DELE1: variants seen among roughly 807,000 people sequenced by gnomAD.
DELE1 encodes the protein death ligand signal enhancer.
Under a neutral mutation model 59.3 loss-of-function variants are expected in DELE1, and 54 were observed. The observed-to-expected ratio is 0.91, with a 90% CI of 0.73 to 1.14. DELE1 has a LOEUF of 1.14. Ranked by LOEUF, DELE1 falls within the 50% of genes most tolerant of loss-of-function variation. The pLI is 0.00. For synonymous variants in DELE1, 264 were observed against 259.1 expected (o/e 1.02, Z -0.18); for missense variants, 636 against 643.9 (o/e 0.99, Z 0.13).
chr5:141,932,280 G>A (rs1751973089), intron 7 of DELE1, among the ~76,000 whole-genome samples: 1 of 152,110 alleles, frequency 6.6e-6, no homozygotes, highest in African/African-American at 2.4e-5. Flanking sequence ...TTTTGTTTGG[G>A]CAATGAAAAG....
Position 141,927,658 on chromosome 5 carries a change from G to C in DELE1, c.265-493G>C, listed in dbSNP as rs548989080. ...GTGTGTGTGCTGGGGTGGCTTCACT[G>C]GGGGAATGGGAGTTGGTGGAAGGAG... On this transcript the variant is annotated intron_variant, in intron 3 of 11. Transcript: ENST00000432126. Among the ~76,000 whole-genome samples, 72 of 152,308 alleles carry C rather than the reference G, an allele frequency of 4.7e-4. 1 individual carries two copies. The highest frequency in any genetic ancestry group is 3.4e-3 in the Middle Eastern group (1 of 294).
rs370509545 is a variant in DELE1 at position 141,925,397 on chromosome 5, T to C, written c.147-13T>C. 6 of 1,542,634 alleles carry C rather than the reference T, an allele frequency of 3.9e-6. No homozygotes were observed. In the African/African-American group the frequency reaches 7.0e-5, roughly 18 times the overall value. On this transcript the variant is annotated splice_polypyrimidine_tract_variant and intron_variant, in intron 2 of 11. Transcript: ENST00000432126. ...TTTGCCCCTACTTGATAGCCTCTTA[T>C]TTCATCATCTAGGTCAGGTCCCCAT...
intron 4 of DELE1, 61 bp downstream of exon 4, chr5:141,928,359 G>T: frequency 6.5e-7 from 1 of 1,547,618 alleles, no homozygotes; most frequent in East Asian, 2.3e-5. Context: ...GCCAGGAAGC[G>T]TCTCTGGACA....
chr5:141,938,918 C>CT lies in DELE1; in HGVS notation c.*162dup, dbSNP rs1752578027. The CT allele has an allele frequency of 7.0e-7, 1 of 1,438,216 alleles. No individual in the cohort carries two copies. Among genetic ancestry groups the CT allele is most frequent in the South Asian group, 1.5e-5 (1 of 68,462 alleles). The allele number at this position is 1,438,216 out of a possible 1,614,324, so 89.1% of individuals were successfully genotyped here. A position where few individuals can be genotyped will look rare whatever the true frequency, so the allele number is the denominator to read the frequency against. Reference sequence around the variant, plus strand: ...CGTACATGGCTGGTAAGTGACTGATCTTTCCCCCCGCTTGGTAGCCTCACA... The same window carrying CT: ...CGTACATGGCTGGTAAGTGACTGATCTTTTCCCCCCGCTTGGTAGCCTCACA... On this transcript the variant is annotated 3_prime_UTR_variant, in exon 12 of 12. Transcript: ENST00000432126.
rs201179266 is a variant in DELE1, at chr5:141,924,010, G to A, written c.31+38G>A. On this transcript the variant is annotated intron_variant, in intron 1 of 11. Coordinates refer to ENST00000432126, the MANE Select transcript of DELE1 (RefSeq NM_014773.5). ...CAAGCAACCAGCGTCACTCTGGGCC[G>A]CAAAGACCGAACTGGAGTGGGGGCG... 8.1e-6 allele frequency: 13 copies of A among 1,598,600 alleles called. No individual in the cohort carries two copies. In the East Asian group the frequency reaches 1.6e-4, roughly 20 times the overall value.
At chr5:141,929,944 A>G in intron 5 of DELE1, 45 bp from the exon 6 acceptor site, 1 of 1,580,166 alleles carries the variant, frequency 6.3e-7, no homozygotes, top group Non-Finnish European at 8.7e-7. Flanking sequence ...AAAGAAGTAC[A>G]ACTTTCTCCT....
intron 10 of DELE1, 138 bp downstream of exon 10, chr5:141,934,724 CTGACTTACTGTG>C: frequency 1.3e-6 from 1 of 796,226 alleles, no homozygotes; most frequent in Non-Finnish European, 2.0e-6. Flanking sequence ...TTAGCGCTCA[CTGACTTACTGTG>C]TGACCGTTGG....
At chr5:141,934,468 T>C (rs764847567) in intron 9 of DELE1, 26 bp from the exon 10 acceptor site, 2 of 1,614,212 alleles carry the variant, frequency 1.2e-6, no homozygotes, top group Middle Eastern at 1.6e-4. Flanking sequence ...CCAAGATGCC[T>C]TCTTTTCCTT....
intron 7 of DELE1, among the ~76,000 whole-genome samples, chr5:141,931,706 A>C (rs971833484): frequency 6.6e-6 from 1 of 152,142 alleles, no homozygotes; most frequent in African/African-American, 2.4e-5. Context: ...TCTTCTACCC[A>C]AGGGCAGAGG....
Position 141,923,905 on chromosome 5 carries a change from C to T in DELE1, c.-37C>T, listed in dbSNP as rs745540530. On this transcript the variant is annotated 5_prime_UTR_variant, in exon 1 of 12. Transcript: ENST00000432126. ...CGCTGTCCCAAGGGTTGGTCTCGCG[C>T]TTTCGGCTGCGAGCTCTCTGTGGTG... 2 of 1,587,328 alleles carry T rather than the reference C, an allele frequency of 1.3e-6. No homozygotes were observed. The highest frequency in any genetic ancestry group is 1.7e-6 in the Non-Finnish European group (2 of 1,167,018).
chr5:141,934,534 A>G lies in DELE1; in HGVS notation c.1097A>G (p.Tyr366Cys), dbSNP rs764893017. 7.4e-6 allele frequency: 12 copies of G among 1,614,148 alleles called. No homozygotes were observed. Among genetic ancestry groups the G allele is most frequent in the Middle Eastern group, 1.6e-4 (1 of 6,084 alleles). ...FLGVLFTKEP[Y>C]LDEQRAVKYL... Reference sequence around the variant, plus strand: ...GGGGTGCTTTTCACCAAGGAGCCCTACCTGGATGAGCAGAGAGCTGTGAAA... The same window carrying G: ...GGGGTGCTTTTCACCAAGGAGCCCTGCCTGGATGAGCAGAGAGCTGTGAAA... The change falls in exon 10 of 12, where the codon TAC (tyrosine) becomes TGC (cysteine). Residue 366 changes from tyrosine (Y) to cysteine (C), a missense_variant. Physicochemically the swap from Tyr to Cys is radical, Grantham distance 194. Coordinates refer to ENST00000432126, the MANE Select transcript of DELE1 (RefSeq NM_014773.5).
intron 11 of DELE1, 41 bp downstream of exon 11, chr5:141,937,398 C>T: frequency 1.2e-6 from 2 of 1,604,392 alleles, no homozygotes; most frequent in African/African-American, 2.7e-5. Flanking sequence ...ATTCCCTGAG[C>T]TCAGTACTCT....
At chr5:141,925,263 A>T in intron 2 of DELE1, 147 bp from the exon 3 acceptor site, 1 of 462,502 alleles carries the variant, frequency 2.2e-6, no homozygotes, top group East Asian at 4.2e-5. Context: ...GGGTTTCACC[A>T]TCTTGACCAG....
chr5:141,930,691 C>T (rs564965069), intron 7 of DELE1, among the ~76,000 whole-genome samples: 1 of 152,220 alleles, frequency 6.6e-6, no homozygotes, highest in East Asian at 1.9e-4. Context: ...GTAGCATTCT[C>T]TGCCACACTT....
rs577666662 is a variant in DELE1, at chr5:141,931,498, T to C, written c.754+1224T>C. 3.2e-4 allele frequency among the ~76,000 whole-genome samples: 49 copies of C among 152,224 alleles called. 1 individual carries two copies. In the South Asian group the frequency reaches 4.8e-3, roughly 15 times the overall value. On this transcript the variant is annotated intron_variant, in intron 7 of 11. Transcript: ENST00000432126. ...TTTCCAAAGATCTCTCTGGCTGCCA[T>C]GTAGACAGACATGGATTGTAGGATT...
chr5:141,937,334 C>G lies in DELE1; in HGVS notation c.1286C>G (p.Ala429Gly). 1 of 1,614,118 alleles carries G rather than the reference C, an allele frequency of 6.2e-7. No homozygotes were observed. The highest frequency in any genetic ancestry group is 8.5e-7 in the Non-Finnish European group (1 of 1,180,036). The change falls in exon 11 of 12, where the codon GCC (alanine) becomes GGC (glycine). Residue 429 changes from alanine (A) to glycine (G), a missense_variant. Ala to Gly is a moderately conservative substitution (Grantham distance 60). Coordinates refer to ENST00000432126, the MANE Select transcript of DELE1 (RefSeq NM_014773.5). ...GNEAAQERLR[A>G]LFSMGAAAPG... ...GAGGCCGCCCAGGAGAGGCTGCGAGCCCTCTTTTCCATGGGGGCTGCAGGT... is the reference window on the plus strand; with the variant it reads ...GAGGCCGCCCAGGAGAGGCTGCGAGGCCTCTTTTCCATGGGGGCTGCAGGT...
In DELE1 at chr5:141,941,252, T is replaced by C; in HGVS notation, c.*2493T>C. ...GGTGAAGGCCAGATGCAGCCCTCCC[T>C]GAGTGGCTCTCCCTCCCACTCAGTC... is the stretch of plus-strand genomic sequence containing the variant. On this transcript the variant is annotated 3_prime_UTR_variant, in exon 12 of 12. Transcript: ENST00000432126. The C allele has an allele frequency of 3.0e-6, 3 of 985,496 alleles. No individual in the cohort carries two copies. The highest frequency in any genetic ancestry group is 3.6e-6 in the Non-Finnish European group (3 of 829,966). 61.0% of individuals were successfully genotyped at this position (985,496 alleles called of 1,614,324 possible). A position where few individuals can be genotyped will look rare whatever the true frequency, so the allele number is the denominator to read the frequency against.
rs372383012 is a variant in DELE1 at position 141,935,409 on chromosome 5, A to C, written c.1149+823A>C. Among the ~76,000 whole-genome samples, 69 of 152,360 alleles carry C rather than the reference A, an allele frequency of 4.5e-4. 1 individual carries two copies. The South Asian group carries it at 0.014, about 30-fold the overall frequency. ...CTGTATTCCTCAAGTGTATTTGACC[A>C]GTATATCTTTTGAGTTGCATCTTGA... is the stretch of plus-strand genomic sequence containing the variant. On this transcript the variant is annotated intron_variant, in intron 10 of 11. Coordinates refer to ENST00000432126, the MANE Select transcript of DELE1 (RefSeq NM_014773.5).
intron 11 of DELE1, among the ~76,000 whole-genome samples, chr5:141,937,762 T>C (rs62380000): frequency 1 from 108,855 of 108,876 alleles, 54,417 homozygotes; most frequent in Middle Eastern, 1. Flanking sequence ...CAGAGCAAGA[T>C]TCTGTTTCAA....
Sources: allele counts gnomAD v4.1 joint callset (sites outside exome capture counted in the v4.1 genomes callset), GRCh38; gene constraint gnomAD v4.1.1; transcripts MANE v1.5; gene names NCBI Gene and HGNC (gene_info 2026-07-23, HGNC 2026-07-21).